The following KCNQ5 variants were observed in gnomAD, a reference collection of about 807,000 sequenced individuals.
The protein encoded by KCNQ5 is potassium voltage-gated channel subfamily Q member 5, also known as potassium voltage-gated channel subfamily KQT member 5.
Under a neutral mutation model 98.2 loss-of-function variants are expected in KCNQ5, and 30 were observed. That is an observed-to-expected ratio of 0.31 (90% CI 0.23 to 0.41). The LOEUF (loss-of-function observed/expected upper bound fraction) is 0.41, where lower values mean the gene tolerates loss of function less well. Ranked by LOEUF, KCNQ5 falls within the 10% of genes least tolerant of loss-of-function variation. The pLI is 1.00. For missense variants in KCNQ5, 835 were observed against 1,182.5 expected, an observed-to-expected ratio of 0.71 and a Z score of 4.31; for synonymous variants, 458 against 449.4, an observed-to-expected ratio of 1.02 and a Z score of -0.24.
chr6:73,143,596 T>C (rs1365916367), intron 10 of KCNQ5: 3 of 152,268 alleles, frequency 2.0e-5, no homozygotes, highest in Non-Finnish European at 4.4e-5. Flanking sequence ...GTGTGCTCCA[T>C]AGCGGCTCAT....
At chr6:73,169,610 A>G in intron 10 of KCNQ5, 136 bp from the exon 11 acceptor site, 2 of 636,958 alleles carry the variant, frequency 3.1e-6, no homozygotes, top group Non-Finnish European at 5.7e-6. Flanking sequence ...TGGCAAGACA[A>G]TTGGCTGACC....
chr6:72,831,231 A>G (rs887491746), intron 1 of KCNQ5, among the ~76,000 whole-genome samples: 6 of 152,246 alleles, frequency 3.9e-5, no homozygotes, highest in Non-Finnish European at 4.4e-5. Flanking sequence ...ATTACTGGGT[A>G]TATACCCAAA....
At chr6:72,687,739 C>G (rs1378360002) in intron 1 of KCNQ5, among the ~76,000 whole-genome samples, 1 of 151,642 alleles carries the variant, frequency 6.6e-6, no homozygotes, top group Non-Finnish European at 1.5e-5. Flanking sequence ...ATTTATTTGG[C>G]TTTTTCTAGG....
intron 10 of KCNQ5, among the ~76,000 whole-genome samples, chr6:73,161,361 A>G (rs1310675577): frequency 6.6e-6 from 1 of 152,260 alleles, no homozygotes; most frequent in African/African-American, 2.4e-5. Context: ...TAATGGCTAC[A>G]GTCTGATAGA....
At chr6:72,725,351 C>T (rs1770210185) in intron 1 of KCNQ5, among the ~76,000 whole-genome samples, 1 of 152,064 alleles carries the variant, frequency 6.6e-6, no homozygotes, top group Non-Finnish European at 1.5e-5. Flanking sequence ...AATGATTAAT[C>T]ATATTAATTG....
At chr6:73,010,984 A>T (rs914650195) in intron 2 of KCNQ5, among the ~76,000 whole-genome samples, 15 of 152,192 alleles carry the variant, frequency 9.9e-5, no homozygotes, top group African/African-American at 3.6e-4. Flanking sequence ...CAAAATCCCA[A>T]TGATGTTTCT....
intron 1 of KCNQ5, among the ~76,000 whole-genome samples, chr6:72,631,131 T>C (rs1447741272): frequency 1.3e-5 from 2 of 152,150 alleles, no homozygotes; most frequent in East Asian, 1.9e-4. Flanking sequence ...GGTGCTTGGG[T>C]AAATAGTGGT....
chr6:73,068,440 TGTATCGCATTTGTG>T (rs1312833007), intron 3 of KCNQ5, among the ~76,000 whole-genome samples: 3 of 152,244 alleles, frequency 2.0e-5, no homozygotes, highest in Admixed American at 2.0e-4. Context: ...GTTTTGTGGC[TGTATCGCATTTGTG>T]GTAATAATAA....
chr6:73,131,514 A>G (rs186342350), intron 9 of KCNQ5, among the ~76,000 whole-genome samples: 68 of 152,258 alleles, frequency 4.5e-4, no homozygotes, highest in Non-Finnish European at 8.8e-4. Context: ...AAGTGAGCAT[A>G]TGCTTCCTGA....
intron 1 of KCNQ5, among the ~76,000 whole-genome samples, chr6:72,771,819 G>A (rs1008486369): frequency 1.3e-5 from 2 of 152,052 alleles, no homozygotes; most frequent in African/African-American, 4.8e-5. Flanking sequence ...GATTTATGTA[G>A]TAGCTCTTGT....
chr6:73,146,749 T>C (rs1429023175), intron 10 of KCNQ5, among the ~76,000 whole-genome samples: 2 of 151,542 alleles, frequency 1.3e-5, no homozygotes, highest in African/African-American at 2.4e-5. Context: ...ACTATCCCAG[T>C]GATCTGAATG....
rs1765668127 is a variant in KCNQ5, at chr6:72,647,697, A to T, written c.398+25110A>T. On this transcript the variant is annotated intron_variant, in intron 1 of 13. Coordinates refer to ENST00000370398, the MANE Select transcript of KCNQ5 (RefSeq NM_019842.4). ...AAGGAGCTCTTTTTGCAATCAAAAG[A>T]GAGGGACCAAAACAGATCATTATGT... 2.6e-5 allele frequency among the ~76,000 whole-genome samples: 4 copies of T among 152,142 alleles called. No individual in the cohort carries two copies. The South Asian group carries it at 8.3e-4, about 31-fold the overall frequency.
chr6:72,686,761 G>T (rs561411709), intron 1 of KCNQ5, among the ~76,000 whole-genome samples: 1 of 139,628 alleles, frequency 7.2e-6, no homozygotes. Context: ...TGATACATCT[G>T]GGACTACTGT....
intron 3 of KCNQ5, among the ~76,000 whole-genome samples, chr6:73,070,741 C>T (rs906116555): frequency 3.9e-5 from 6 of 152,130 alleles, no homozygotes; most frequent in African/African-American, 7.2e-5. Flanking sequence ...CATTTCCATT[C>T]GTCTTCATTA....
At chr6:73,110,674 T>C (rs528514472) in intron 6 of KCNQ5, among the ~76,000 whole-genome samples, 1 of 152,358 alleles carries the variant, frequency 6.6e-6, no homozygotes, top group South Asian at 2.1e-4. Context: ...CTCTATATCT[T>C]CAAAACTGAG....
intron 1 of KCNQ5, among the ~76,000 whole-genome samples, chr6:72,738,776 T>C (rs1264709323): frequency 6.6e-6 from 1 of 152,144 alleles, no homozygotes; most frequent in Non-Finnish European, 1.5e-5. Flanking sequence ...CAATGCATAT[T>C]ACTAAGTGAA....
chr6:73,187,544 A>G (rs1765422321), intron 11 of KCNQ5, among the ~76,000 whole-genome samples: 2 of 152,344 alleles, frequency 1.3e-5, no homozygotes, highest in East Asian at 1.9e-4. Flanking sequence ...AAAAAAGGCA[A>G]TACCACCTGA....
chr6:73,088,903 CAT>C (rs1774110782), intron 5 of KCNQ5, among the ~76,000 whole-genome samples: 1 of 152,178 alleles, frequency 6.6e-6, no homozygotes, highest in Non-Finnish European at 1.5e-5. Flanking sequence ...TCTCCACTCT[CAT>C]AGTGTCTTAA....
At chr6:73,146,008 C>T (rs1776907872) in intron 10 of KCNQ5, among the ~76,000 whole-genome samples, 1 of 152,186 alleles carries the variant, frequency 6.6e-6, no homozygotes, top group African/African-American at 2.4e-5. Flanking sequence ...GATCCATTCA[C>T]CTCCCACCCA....
Sources: allele counts gnomAD v4.1 joint callset (sites outside exome capture counted in the v4.1 genomes callset), GRCh38; gene constraint gnomAD v4.1.1; transcripts MANE v1.5; gene names NCBI Gene and HGNC (gene_info 2026-07-23, HGNC 2026-07-21).